TMEM229B: variants seen among roughly 807,000 people sequenced by gnomAD.
TMEM229B encodes chromosome 14 open reading frame 83.
Under a neutral mutation model 13.7 loss-of-function variants are expected in TMEM229B, and 6 were observed. That is an observed-to-expected ratio of 0.44 (90% CI 0.24 to 0.86). The LOEUF is 0.86. Among genes scored for constraint, TMEM229B ranks in the 40% least tolerant of loss-of-function variants. The pLI, the probability that TMEM229B is intolerant of heterozygous loss-of-function variation, is 0.23. For synonymous variants in TMEM229B, 107 were observed against 102.1 expected (o/e 1.05, Z -0.29); for missense variants, 170 against 236.0 (o/e 0.72, Z 1.83).
rs565404869 is a variant in TMEM229B, at chr14:67,471,364, G to C, written c.*2056C>G. The C allele has an allele frequency of 6.6e-6, 1 of 152,376 alleles. No individual in the cohort carries two copies. Among genetic ancestry groups the C allele is most frequent in the Admixed American group, 6.5e-5 (1 of 15,304 alleles). The allele number at this position is 152,376 out of a possible 1,614,324, so 9.4% of individuals were successfully genotyped here. ...GTAGTGTGGTCTAGGGGCCCACATG[G>C]AAGGCCTGAAGGGGTGCTGGGAGAC... On this transcript the variant is annotated 3_prime_UTR_variant, in exon 3 of 3. Coordinates refer to ENST00000554480, the MANE Select transcript of TMEM229B (RefSeq NM_001348543.2).
At chr14:67,519,422 G>A (rs2033256131), upstream of TMEM229B, among the ~76,000 whole-genome samples, 2 of 152,242 alleles carry the variant, frequency 1.3e-5, no homozygotes, top group Non-Finnish European at 2.9e-5. Flanking sequence ...TCCTGCCAGA[G>A]CAACTAGACG....
Position 67,525,712 on chromosome 14 carries a change from G to A in TMEM229B, c.-192+7924C>T, listed in dbSNP as rs115134146. Among the ~76,000 whole-genome samples, 289 of 152,240 alleles carry A rather than the reference G, an allele frequency of 1.9e-3. 1 individual carries two copies. Among genetic ancestry groups the A allele is most frequent in the African/African-American group, 6.6e-3 (274 of 41,520 alleles). Reference sequence around the variant, plus strand: ...GCATATGCAGTTTATTATGCTTGACGGGAAAATATATTTACAGAAAGTTAC... The same window carrying A: ...GCATATGCAGTTTATTATGCTTGACAGGAAAATATATTTACAGAAAGTTAC... On this transcript the variant is annotated intron_variant, in intron 1 of 2. Transcript: ENST00000554278.
chr14:67,515,448 T>G, upstream of TMEM229B: 1 of 178,226 alleles, frequency 5.6e-6, no homozygotes, highest in Non-Finnish European at 1.1e-5. Context: ...CACTCACCCA[T>G]AGTACGGATG....
chr14:67,501,044 T>TTAA (rs71129826), intron 1 of TMEM229B, among the ~76,000 whole-genome samples: 61,794 of 136,990 alleles, frequency 0.45, 13,838 homozygotes, highest in South Asian at 0.58. Context: ...TACTTGGGGG[T>TTAA]TAATAATAAT....
chr14:67,533,033 T>C (rs1286350813), intron 1 of TMEM229B, among the ~76,000 whole-genome samples: 1 of 151,942 alleles, frequency 6.6e-6, no homozygotes, highest in Non-Finnish European at 1.5e-5. Context: ...AGCCCAGCGG[T>C]GCGGAGAAGT....
Position 67,477,192 on chromosome 14 carries a change from T to A in TMEM229B, c.-18-3251A>T, listed in dbSNP as rs1315728. ...AAAAAAAAAAAAAAAATGTTCGATA[T>A]CTCCTTATTTCCTAATGAAACACAA... On this transcript the variant is annotated intron_variant, in intron 2 of 2. Transcript: ENST00000554480. Among the ~76,000 whole-genome samples, 474 of 151,224 alleles carry A rather than the reference T, an allele frequency of 3.1e-3. 3 individuals carry two copies. The highest frequency in any genetic ancestry group is 0.011 in the African/African-American group (456 of 41,180).
intron 2 of TMEM229B, among the ~76,000 whole-genome samples, chr14:67,481,140 A>G (rs2031560247): frequency 6.6e-6 from 1 of 152,158 alleles, no homozygotes; most frequent in Non-Finnish European, 1.5e-5. Context: ...AAAAGAAAAA[A>G]AAGTAGGCTG....
At chr14:67,521,149 A>T (rs187627738) in intron 1 of TMEM229B, among the ~76,000 whole-genome samples, 24 of 152,350 alleles carry the variant, frequency 1.6e-4, no homozygotes, top group African/African-American at 5.8e-4. Context: ...GTTGAATAAT[A>T]TCACTTCTTA....
intron 1 of TMEM229B, among the ~76,000 whole-genome samples, chr14:67,504,590 A>T (rs1381690783): frequency 6.6e-6 from 1 of 152,214 alleles, no homozygotes; most frequent in Non-Finnish European, 1.5e-5. Flanking sequence ...TCAAAAAAAT[A>T]AATAAAAAAC....
At chr14:67,493,191 C>T (rs1049456994), upstream of TMEM229B, among the ~76,000 whole-genome samples, 1 of 152,172 alleles carries the variant, frequency 6.6e-6, no homozygotes, top group South Asian at 2.1e-4. Flanking sequence ...AGTTTATCTT[C>T]AAAGGTTTCA....
In TMEM229B at chr14:67,502,832, C is replaced by A. The variant is rs530597937; in HGVS notation, c.-192+12254G>T. Among the ~76,000 whole-genome samples the A allele has an allele frequency of 5.9e-5, 9 of 152,226 alleles. No individual in the cohort carries two copies. In the South Asian group the frequency reaches 1.5e-3, roughly 25 times the overall value. ...TATTTCCCAGCAGCCAACCAACCAA[C>A]TTTATTAAATACTTTCTGTGTGTAA... On this transcript the variant is annotated intron_variant, in intron 1 of 2. Coordinates refer to the TMEM229B transcript ENST00000357461.
chr14:67,473,377 TG>T lies in TMEM229B; in HGVS notation c.*42del. On this transcript the variant is annotated 3_prime_UTR_variant, in exon 3 of 3. Transcript: ENST00000554480. The surrounding 1 kb of genome is among the most constrained non-coding windows in gnomAD (Gnocchi z 6.5). ...CTCACCAGCTTGGTCTCTTTGTCCA[TG>T]AGTTCCATGAGAGATCCCCAGGCCC... The T allele has an allele frequency of 6.3e-7, 1 of 1,594,996 alleles. No homozygotes were observed. Among genetic ancestry groups the T allele is most frequent in the Non-Finnish European group, 8.5e-7 (1 of 1,170,728 alleles).
chr14:67,494,181 A>C (rs2032275996), intron 1 of TMEM229B, among the ~76,000 whole-genome samples: 1 of 152,210 alleles, frequency 6.6e-6, no homozygotes, highest in African/African-American at 2.4e-5. Flanking sequence ...GGCGCCAAAC[A>C]GCACTTAGGC....
At chr14:67,515,153 T>C (rs2273596) in exon 1 of TMEM229B, 64,129 of 152,174 alleles carry the variant, frequency 0.42, 14,044 homozygotes, top group East Asian at 0.5. Flanking sequence ...CAGGTGCGGC[T>C]AGGAGCGCCG....
At chr14:67,522,544 A>G (rs1262078465) in intron 1 of TMEM229B, among the ~76,000 whole-genome samples, 1 of 152,196 alleles carries the variant, frequency 6.6e-6, no homozygotes, top group Non-Finnish European at 1.5e-5. Context: ...CAACTTCACT[A>G]TATCAGTTCA....
chr14:67,481,172 G>A (rs1372731858), intron 2 of TMEM229B, among the ~76,000 whole-genome samples: 3 of 152,148 alleles, frequency 2.0e-5, no homozygotes, highest in Non-Finnish European at 1.5e-5. Context: ...TGTGCCTGTA[G>A]TCCCAGACGC....
chr14:67,489,989 C>CA (rs5809348), upstream of TMEM229B, among the ~76,000 whole-genome samples: 388 of 139,122 alleles, frequency 2.8e-3, no homozygotes, highest in East Asian at 3.7e-3. Flanking sequence ...GACTCCGTCT[C>CA]AAAAAAAAAA....
intron 1 of TMEM229B, among the ~76,000 whole-genome samples, chr14:67,521,959 G>A (rs1420973463): frequency 3.9e-5 from 6 of 152,054 alleles, no homozygotes; most frequent in Non-Finnish European, 7.4e-5. Context: ...GGTGGATCAC[G>A]AGGTCAAGAG....
At chr14:67,479,432 T>G (rs1224694858) in intron 2 of TMEM229B, among the ~76,000 whole-genome samples, 1 of 147,162 alleles carries the variant, frequency 6.8e-6, no homozygotes, top group Non-Finnish European at 1.5e-5. Context: ...AAAATGCTTG[T>G]GGAAGCTGGG....
Sources: gnomAD v4.1 joint callset for allele counts (sites outside exome capture counted in the v4.1 genomes callset) on GRCh38, gnomAD v4.1.1 for gene constraint, Gnocchi (gnomAD v3.1) non-coding constraint, MANE v1.5 for transcripts, NCBI Gene and HGNC (gene_info 2026-07-23, HGNC 2026-07-21) for gene names.